FHIT: variants seen among roughly 807,000 people sequenced by gnomAD.
The protein encoded by FHIT is fragile histidine triad diadenosine triphosphatase.
A neutral mutation model predicts 17.9 loss-of-function variants in FHIT; 19 were observed. The observed-to-expected ratio is 1.06, with a 90% CI of 0.74 to 1.56. FHIT has a LOEUF of 1.56. Ranked by LOEUF, FHIT falls within the 40% of genes most tolerant of loss-of-function variation. The pLI, the probability that FHIT is intolerant of heterozygous loss-of-function variation, is 0.00. For missense variants in FHIT, 248 were observed against 189.2 expected (o/e 1.31, Z -1.82); for synonymous variants, 81 against 69.7 (o/e 1.16, Z -0.81).
chr3:60,076,688 T>G (rs1024047076), intron 5 of FHIT, among the ~76,000 whole-genome samples: 2 of 152,072 alleles, frequency 1.3e-5, no homozygotes, highest in African/African-American at 4.8e-5. Context: ...TCTGAGATGG[T>G]ACAGCTCAGC....
At chr3:61,038,402 A>G (rs918249722) in intron 3 of FHIT, among the ~76,000 whole-genome samples, 7 of 152,240 alleles carry the variant, frequency 4.6e-5, no homozygotes, top group African/African-American at 1.7e-4. Flanking sequence ...TCCTGCTTCT[A>G]TAACAAGTCT....
At chr3:60,840,367 C>A (rs1702681266) in intron 3 of FHIT, among the ~76,000 whole-genome samples, 2 of 152,110 alleles carry the variant, frequency 1.3e-5, no homozygotes, top group Non-Finnish European at 2.9e-5. Flanking sequence ...AATAAGTGGG[C>A]TTTAAGAATA....
chr3:60,330,056 T>C (rs888571210), intron 5 of FHIT, among the ~76,000 whole-genome samples: 3 of 152,218 alleles, frequency 2.0e-5, no homozygotes, highest in African/African-American at 7.2e-5. Flanking sequence ...GGATGTTGGC[T>C]TTCATGATCT....
chr3:59,987,339 T>C (rs1458376927), intron 7 of FHIT, among the ~76,000 whole-genome samples: 1 of 151,790 alleles, frequency 6.6e-6, no homozygotes, highest in Non-Finnish European at 1.5e-5. Flanking sequence ...GGTTAGAAAT[T>C]AGAGCCAAGG....
intron 4 of FHIT, among the ~76,000 whole-genome samples, chr3:60,655,529 T>A (rs2040095450): frequency 6.6e-6 from 1 of 152,188 alleles, no homozygotes; most frequent in African/African-American, 2.4e-5. Flanking sequence ...CATCATTTTA[T>A]CTCGACAGAA....
chr3:60,159,396 T>C (rs567815451), intron 5 of FHIT, among the ~76,000 whole-genome samples: 4 of 152,286 alleles, frequency 2.6e-5, no homozygotes, highest in African/African-American at 9.6e-5. Context: ...GCTGGAATTA[T>C]AGGTGTGGGC....
intron 5 of FHIT, among the ~76,000 whole-genome samples, chr3:60,098,667 G>A (rs1230812171): frequency 6.6e-6 from 1 of 152,086 alleles, no homozygotes; most frequent in Non-Finnish European, 1.5e-5. Flanking sequence ...TTTGTAGGTT[G>A]CCTGTTCACT....
intron 8 of FHIT, among the ~76,000 whole-genome samples, chr3:59,794,290 C>T (rs572423369): frequency 5.9e-5 from 9 of 152,310 alleles, no homozygotes; most frequent in African/African-American, 2.2e-4. Context: ...CGAATGCCTC[C>T]TTCTGAAATG....
At chr3:60,088,178 T>C (rs1425832311) in intron 5 of FHIT, among the ~76,000 whole-genome samples, 1 of 152,154 alleles carries the variant, frequency 6.6e-6, no homozygotes, top group African/African-American at 2.4e-5. Context: ...AATTAACAGA[T>C]GGAGAACTCA....
At chr3:60,531,335 G>C (rs1286979378) in intron 5 of FHIT, among the ~76,000 whole-genome samples, 1 of 142,414 alleles carries the variant, frequency 7.0e-6, no homozygotes, top group East Asian at 2.1e-4. Flanking sequence ...CTGGAGTGCA[G>C]TGGTGCGATC....
At chr3:61,165,606 G>C (rs2037813751) in intron 2 of FHIT, 1 of 152,282 alleles carries the variant, frequency 6.6e-6, no homozygotes, top group Admixed American at 6.5e-5. Context: ...AGGCTGAGGT[G>C]GACAGATCAC....
At chr3:60,718,532 G>A (rs556287453) in intron 4 of FHIT, among the ~76,000 whole-genome samples, 1 of 152,246 alleles carries the variant, frequency 6.6e-6, no homozygotes, top group East Asian at 1.9e-4. Context: ...TGGGCTTAAG[G>A]AAAGGCAAAG....
chr3:60,102,312 A>G (rs1704227120), intron 5 of FHIT, among the ~76,000 whole-genome samples: 1 of 152,254 alleles, frequency 6.6e-6, no homozygotes, highest in Non-Finnish European at 1.5e-5. Flanking sequence ...TGCATTGCAC[A>G]GAAGTCCAGT....
At chr3:59,809,311 G>A (rs749839932) in intron 8 of FHIT, among the ~76,000 whole-genome samples, 2 of 152,164 alleles carry the variant, frequency 1.3e-5, no homozygotes, top group African/African-American at 2.4e-5. Context: ...AAGACAAAGC[G>A]GACACTAGAG....
chr3:60,926,390 G>T (rs1326115835), intron 3 of FHIT, among the ~76,000 whole-genome samples: 5 of 152,160 alleles, frequency 3.3e-5, no homozygotes, highest in African/African-American at 9.7e-5. Context: ...CTAGAACTCA[G>T]GATTAAGAAA....
At chr3:60,209,655 G>C (rs1358400405) in intron 5 of FHIT, among the ~76,000 whole-genome samples, 2 of 152,054 alleles carry the variant, frequency 1.3e-5, no homozygotes, top group African/African-American at 4.8e-5. Flanking sequence ...CCATTCAATA[G>C]GGCTTTTGAA....
intron 4 of FHIT, among the ~76,000 whole-genome samples, chr3:60,624,944 T>G (rs1326058419): frequency 6.6e-6 from 1 of 152,150 alleles, no homozygotes; most frequent in Non-Finnish European, 1.5e-5. Context: ...AGTCTTGCCC[T>G]GTTGCTCAGG....
intron 5 of FHIT, among the ~76,000 whole-genome samples, chr3:60,282,684 T>C (rs763950320): frequency 2.0e-5 from 3 of 152,082 alleles, no homozygotes; most frequent in Non-Finnish European, 4.4e-5. Flanking sequence ...GATGGGGGAA[T>C]AGTGGCGACA....
At chr3:61,185,140 T>A (rs1000899659) in intron 2 of FHIT, among the ~76,000 whole-genome samples, 1 of 152,210 alleles carries the variant, frequency 6.6e-6, no homozygotes, top group African/African-American at 2.4e-5. Flanking sequence ...TAGCATATGT[T>A]CATAAGCTTT....
Sources: gnomAD v4.1 joint callset for allele counts (sites outside exome capture counted in the v4.1 genomes callset) on GRCh38, gnomAD v4.1.1 for gene constraint, MANE v1.5 for transcripts, NCBI Gene and HGNC (gene_info 2026-07-23, HGNC 2026-07-21) for gene names.